Variants in VPS13B observed in about 807,000 individuals in gnomAD.
The protein encoded by VPS13B is vacuolar protein sorting 13 homolog B.
VPS13B carries 285 observed loss-of-function variants against 426.4 expected under a neutral mutation model. That is an observed-to-expected ratio of 0.67 (90% confidence interval 0.61 to 0.74). The LOEUF is 0.74. VPS13B is among the 30% of genes least tolerant of loss of function. The pLI, the probability that VPS13B is intolerant of heterozygous loss-of-function variation, is 0.00. For missense variants in VPS13B, 4,537 were observed against 4,782.6 expected, an observed-to-expected ratio of 0.95 and a Z score of 1.51; for synonymous variants, 1,676 against 1,676.4, an observed-to-expected ratio of 1.00 and a Z score of 0.01.
chr8:99,811,063 T>C (rs776364904), intron 44 of VPS13B, among the ~76,000 whole-genome samples: 2 of 152,224 alleles, frequency 1.3e-5, no homozygotes, highest in Non-Finnish European at 2.9e-5. Context: ...TTTCTGATTC[T>C]GTCACTCATG....
chr8:99,796,071 G>A lies in VPS13B; in HGVS notation c.7941+11595G>A, dbSNP rs147813144. On this transcript the variant is annotated intron_variant, in intron 43 of 61. Coordinates refer to ENST00000357162, the MANE Select transcript of VPS13B (RefSeq NM_152564.5). ...TAGAATGTATTGAGGGGAAATAAGA[G>A]CTATGAGGAAAACCAAGATGTCACA... Among the ~76,000 whole-genome samples, 203 of 152,258 alleles carry A rather than the reference G, an allele frequency of 1.3e-3. No homozygotes were observed. The East Asian group carries it at 0.018, about 13-fold the overall frequency.
rs536727985 is a variant in VPS13B at position 99,699,931 on chromosome 8, T to G, written c.6453T>G (p.Pro2151=). The part of the protein sequence containing the change: ...SLSVKATQKV[P]GIILGSSFLL... Reference sequence around the variant, plus strand: ...GTGTCAAGGCAACACAAAAAGTACCTGGTAAGTCACAGAAAAGGGGAGGGG... The same window carrying G: ...GTGTCAAGGCAACACAAAAAGTACCGGGTAAGTCACAGAAAAGGGGAGGGG... The change falls in exon 36 of 62, where the codon CCT becomes CCG. Residue 2151 remains proline (P), a splice_region_variant and synonymous_variant. Coordinates refer to ENST00000357162, the MANE Select transcript of VPS13B (RefSeq NM_152564.5). The G allele has an allele frequency of 5.1e-5, 83 of 1,613,652 alleles. 2 individuals are homozygous for G. In the South Asian group the frequency reaches 7.4e-4, roughly 14 times the overall value.
At chr8:99,807,875 A>T (rs931996996) in intron 43 of VPS13B, among the ~76,000 whole-genome samples, 14 of 133,308 alleles carry the variant, frequency 1.1e-4, no homozygotes, top group African/African-American at 4.1e-4. Context: ...TTCAGATTTA[A>T]AAAAAAAAAA....
At chr8:99,818,355 C>A in intron 45 of VPS13B, 96 bp from the exon 46 acceptor site, 2 of 1,280,394 alleles carry the variant, frequency 1.6e-6, no homozygotes, top group South Asian at 1.2e-5. Flanking sequence ...ACTTTAAACT[C>A]TTTTTAATCT....
At chr8:99,428,536 C>T (rs971671936) in intron 21 of VPS13B, among the ~76,000 whole-genome samples, 15 of 152,260 alleles carry the variant, frequency 9.9e-5, no homozygotes, top group African/African-American at 2.6e-4. Context: ...TGAAAAAATG[C>T]TCATCATCAC....
intron 3 of VPS13B, among the ~76,000 whole-genome samples, chr8:99,059,881 C>T (rs548760204): frequency 1.2e-4 from 18 of 151,704 alleles, no homozygotes; most frequent in Admixed American, 2.6e-4. Context: ...TACAGGTGTG[C>T]GCCATTATGC....
chr8:99,354,669 T>C (rs1812084807), intron 19 of VPS13B, among the ~76,000 whole-genome samples: 2 of 152,154 alleles, frequency 1.3e-5, no homozygotes. Context: ...TTCAAAGTTA[T>C]TAAAATACCA....
At chr8:99,339,209 T>G (rs1811097206) in intron 19 of VPS13B, among the ~76,000 whole-genome samples, 1 of 152,226 alleles carries the variant, frequency 6.6e-6, no homozygotes, top group Admixed American at 6.5e-5. Context: ...GGAAGAGTTT[T>G]TGTATTAGGT....
chr8:99,785,948 C>T (rs1048726729), intron 43 of VPS13B, among the ~76,000 whole-genome samples: 9 of 152,214 alleles, frequency 5.9e-5, no homozygotes, highest in South Asian at 2.1e-4. Context: ...TACCGATGCA[C>T]ACACAGCAAG....
At chr8:99,057,184 AG>A (rs1411246558) in intron 3 of VPS13B, among the ~76,000 whole-genome samples, 1 of 151,932 alleles carries the variant, frequency 6.6e-6, no homozygotes, top group African/African-American at 2.4e-5. Context: ...ACCCACAAAA[AG>A]TATTTTTTTT....
rs553317780 is a variant in VPS13B, at chr8:99,810,437, T to G, written c.8097+907T>G. On this transcript the variant is annotated intron_variant, in intron 44 of 61. Coordinates refer to ENST00000357162, the MANE Select transcript of VPS13B (RefSeq NM_152564.5). ...CAGCAGGGGCTATTCTGTTGCTGCA[T>G]GCCAAGGAGGAATCAGGAAGCTGCT... is the stretch of plus-strand genomic sequence containing the variant. Among the ~76,000 whole-genome samples the G allele has an allele frequency of 1.3e-4, 20 of 152,320 alleles. No individual in the cohort carries two copies. In the East Asian group the frequency reaches 3.7e-3, roughly 28 times the overall value.
At chr8:99,065,604 A>G (rs1844442840) in intron 3 of VPS13B, among the ~76,000 whole-genome samples, 1 of 152,248 alleles carries the variant, frequency 6.6e-6, no homozygotes, top group African/African-American at 2.4e-5. Flanking sequence ...CAACACAGGG[A>G]TGCCCTCTCT....
chr8:99,370,399 T>G (rs1455038398), intron 19 of VPS13B, among the ~76,000 whole-genome samples: 1 of 152,104 alleles, frequency 6.6e-6, no homozygotes, highest in Non-Finnish European at 1.5e-5. Flanking sequence ...GAAGGGTAGC[T>G]GGAGTATGGT....
rs982023622 is a variant in VPS13B, at chr8:99,817,752, A to G, written c.8310A>G (p.Ser2770=). The G allele has an allele frequency of 5.6e-6, 9 of 1,614,012 alleles. No individual in the cohort carries two copies. The highest frequency in any genetic ancestry group is 2.2e-5 in the East Asian group (1 of 44,866). The change falls in exon 45 of 62, where the codon TCA becomes TCG. Residue 2770 remains serine, a synonymous_variant. Transcript: ENST00000357162. ...CVKAKGDEDW[S]RDVCLESKAP... ...AGGCCAAAGGAGATGAAGACTGGTC[A>G]AGAGATGTGTGCCTGGAATCCAAAG...
At chr8:99,450,555 T>C (rs1818138716) in intron 23 of VPS13B, among the ~76,000 whole-genome samples, 2 of 151,928 alleles carry the variant, frequency 1.3e-5, no homozygotes, top group Admixed American at 6.6e-5. Flanking sequence ...TCTACTAAAA[T>C]ACAAAAAATT....
intron 3 of VPS13B, among the ~76,000 whole-genome samples, chr8:99,055,818 C>T (rs149469382): frequency 6.6e-6 from 1 of 152,082 alleles, no homozygotes; most frequent in African/African-American, 2.4e-5. Context: ...CAGCCTTGAC[C>T]ACCTGGGCTC....
intron 25 of VPS13B, among the ~76,000 whole-genome samples, chr8:99,489,773 A>G (rs1253938373): frequency 6.6e-6 from 1 of 152,144 alleles, no homozygotes; most frequent in East Asian, 1.9e-4. Context: ...GACTTTGCCA[A>G]AGTTGCTTAT....
chr8:99,143,137 A>T lies in VPS13B; in HGVS notation c.1815A>T (p.Glu605Asp), dbSNP rs950095413. 1 of 1,613,898 alleles carries T rather than the reference A, an allele frequency of 6.2e-7. No individual in the cohort carries two copies. Among genetic ancestry groups the T allele is most frequent in the African/African-American group, 1.3e-5 (1 of 74,914 alleles). Reference sequence around the variant, plus strand: ...TGATTGTGTGTGCCTTGGAACATGAATATGAACCATATAGCAGGCTAAAAT... The same window carrying T: ...TGATTGTGTGTGCCTTGGAACATGATTATGAACCATATAGCAGGCTAAAAT... ...LKMIVCALEH[E>D]YEPYSRLKSD... Residue 605 changes from glutamate (E) to aspartate (D), a missense_variant, in exon 13 of 62, where the codon GAA becomes GAT. By Grantham distance (45) the Glu-to-Asp change is conservative. This residue lies in a region of VPS13B where 4,311 missense variants were observed against 4,474.3 expected (regional missense o/e 0.96). Coordinates refer to ENST00000357162, the MANE Select transcript of VPS13B (RefSeq NM_152564.5).
intron 15 of VPS13B, among the ~76,000 whole-genome samples, chr8:99,164,329 A>T (rs1187365031): frequency 6.6e-6 from 1 of 152,188 alleles, no homozygotes; most frequent in Non-Finnish European, 1.5e-5. Context: ...GGTTGGTATA[A>T]GTATTTGAAA....
Sources: allele counts gnomAD v4.1 joint callset (sites outside exome capture counted in the v4.1 genomes callset), GRCh38; gene constraint gnomAD v4.1.1; regional missense constraint gnomAD v4.1.1; transcripts MANE v1.5; gene names NCBI Gene and HGNC (gene_info 2026-07-23, HGNC 2026-07-21).